The following ZNF787 variants were observed in gnomAD, a reference collection of about 807,000 sequenced individuals.
The protein encoded by ZNF787 is TTF-I-interacting peptide 20.
ZNF787 carries 7 observed loss-of-function variants against 16.9 expected under a neutral mutation model. That is an observed-to-expected ratio of 0.42 (90% CI 0.24 to 0.78). The LOEUF is 0.78. ZNF787 is among the 30% of genes least tolerant of loss of function. The pLI, the probability that ZNF787 is intolerant of heterozygous loss-of-function variation, is 0.30. For missense variants in ZNF787, 551 were observed against 589.3 expected (o/e 0.94, Z 0.67); for synonymous variants, 345 against 270.9 (o/e 1.27, Z -2.69).
intron 1 of ZNF787, among the ~76,000 whole-genome samples, chr19:56,108,044 C>T (rs1301211223): frequency 1.3e-5 from 2 of 152,032 alleles, no homozygotes; most frequent in East Asian, 1.9e-4. Context: ...GCCGGCAGGG[C>T]GAGACCCTCG....
In ZNF787 at chr19:56,088,707, G is replaced by A. The variant is rs1259262576; in HGVS notation, c.465C>T (p.Cys155=). ...TCTTGCTCTGAGTGAAGCTGCGGCC[G>A]CAGTCGGGGCAGGTGTAGGGCTTCT... ...TGEKPYTCPD[C]GRSFTQSKSL... is the part of the protein sequence containing the mutation. Residue 155 remains cysteine (C), a synonymous_variant, in exon 3 of 3, where the codon TGC becomes TGT. Coordinates refer to ENST00000610935, the MANE Select transcript of ZNF787 (RefSeq NM_001002836.4). The surrounding 1 kb of genome is among the most constrained non-coding windows in gnomAD (Gnocchi z 8.6). 2.5e-6 allele frequency: 4 copies of A among 1,604,306 alleles called. No homozygotes were observed. The highest frequency in any genetic ancestry group is 1.3e-5 in the African/African-American group (1 of 74,706).
intron 2 of ZNF787, chr19:56,101,666 T>C (rs1324886741): frequency 2.6e-5 from 4 of 151,990 alleles, no homozygotes; most frequent in African/African-American, 9.7e-5. Flanking sequence ...TCCTTACATG[T>C]TGGAGAATTT....
chr19:56,100,446 G>A (rs958863022), intron 2 of ZNF787, among the ~76,000 whole-genome samples: 7 of 152,082 alleles, frequency 4.6e-5, no homozygotes. Flanking sequence ...GGGCCTGGAC[G>A]CTAATTCCGC....
At chr19:56,108,799 C>A (rs1257009103) in intron 1 of ZNF787, among the ~76,000 whole-genome samples, 3 of 152,166 alleles carry the variant, frequency 2.0e-5, no homozygotes, top group Non-Finnish European at 4.4e-5. Context: ...GACCTCCCCT[C>A]GGACAGACCC....
At position 56,088,895 on chromosome 19, in the gene ZNF787, G is replaced by C; in HGVS notation, c.277C>G (p.Pro93Ala). 1 of 1,603,756 alleles carries C rather than the reference G, an allele frequency of 6.2e-7. No individual in the cohort carries two copies. Among genetic ancestry groups the C allele is most frequent in the Non-Finnish European group, 8.5e-7 (1 of 1,174,822 alleles). ...TTGCCGCAGTCGGCGCAGGCGTTGG[G>C]CCGCTCGCCGGTGTGCGTGCGCTGG... ...RHQRTHTGER[P>A]NACADCGKTF... Residue 93 changes from proline to alanine, a missense_variant, in exon 3 of 3, where the codon CCC becomes GCC. By Grantham distance (27) the Pro-to-Ala change is conservative. Coordinates refer to ENST00000610935, the MANE Select transcript of ZNF787 (RefSeq NM_001002836.4). The surrounding 1 kb of genome is among the most constrained non-coding windows in gnomAD (Gnocchi z 8.6).
intron 1 of ZNF787, among the ~76,000 whole-genome samples, chr19:56,106,051 G>A (rs1438888547): frequency 3.3e-5 from 4 of 119,548 alleles, no homozygotes; most frequent in Admixed American, 2.8e-4. Flanking sequence ...GGCAGTCACC[G>A]CGCATTCCGC....
intron 1 of ZNF787, among the ~76,000 whole-genome samples, chr19:56,107,983 C>T (rs936632430): frequency 6.6e-6 from 1 of 152,042 alleles, no homozygotes; most frequent in Non-Finnish European, 1.5e-5. Flanking sequence ...GCAGGGGACC[C>T]TTAGAGGTGG....
chr19:56,109,391 C>T (rs1004729924), intron 1 of ZNF787, among the ~76,000 whole-genome samples: 4 of 152,126 alleles, frequency 2.6e-5, no homozygotes, highest in Non-Finnish European at 4.4e-5. Context: ...ACGTGAAACA[C>T]GCCCTCCTCG....
intron 1 of ZNF787, among the ~76,000 whole-genome samples, chr19:56,109,619 C>T (rs189318466): frequency 2.0e-5 from 3 of 152,324 alleles, no homozygotes; most frequent in East Asian, 3.9e-4. Flanking sequence ...TGTGGCCGTG[C>T]GCAGCGGCTC....
chr19:56,109,403 AGAGG>A (rs1410322493), intron 1 of ZNF787, among the ~76,000 whole-genome samples: 5 of 152,156 alleles, frequency 3.3e-5, no homozygotes, highest in Non-Finnish European at 5.9e-5. Context: ...CCCTCCTCGT[AGAGG>A]AAGAGGACGT....
At position 56,097,931 on chromosome 19, in the gene ZNF787, G is replaced by T. The variant is rs376361414; in HGVS notation, c.79+5208C>A. Among the ~76,000 whole-genome samples, 5 of 152,176 alleles carry T rather than the reference G, an allele frequency of 3.3e-5. No individual in the cohort carries two copies. The East Asian group carries it at 9.7e-4, about 29-fold the overall frequency. On this transcript the variant is annotated intron_variant, in intron 2 of 2. Coordinates refer to ENST00000610935, the MANE Select transcript of ZNF787 (RefSeq NM_001002836.4). ...AAACCTTTGGAATTTCGGGAGGCTT[G>T]GGGGAGAAGAGGCATGGAGACTTTT... is the stretch of plus-strand genomic sequence containing the variant.
At chr19:56,115,320 T>C (rs2030099592) in intron 1 of ZNF787, among the ~76,000 whole-genome samples, 1 of 150,194 alleles carries the variant, frequency 6.7e-6, no homozygotes, top group Non-Finnish European at 1.5e-5. Flanking sequence ...CCTCTCCCTC[T>C]CTAGAGGCCG....
chr19:56,091,551 A>AC (rs747639243), intron 2 of ZNF787, among the ~76,000 whole-genome samples: 86 of 152,258 alleles, frequency 5.6e-4, no homozygotes, highest in Non-Finnish European at 1.3e-4. Flanking sequence ...ACCAGGGAGA[A>AC]CCCCAAAGAG....
At position 56,088,806 on chromosome 19, in the gene ZNF787, G is replaced by A. The variant is rs1265686674; in HGVS notation, c.366C>T (p.Tyr122=). Reference sequence around the variant, plus strand: ...AGCGCTTGCCGCACTCCAAGCAGGCGTAGGGCTTCTCGCCCGTGTGGATGC... The same window carrying A: ...AGCGCTTGCCGCACTCCAAGCAGGCATAGGGCTTCTCGCCCGTGTGGATGC... ...HRRIHTGEKP[Y]ACLECGKRFS... is the part of the protein sequence containing the mutation. Residue 122 remains tyrosine (Y), a synonymous_variant, in exon 3 of 3, where the codon TAC becomes TAT. Coordinates refer to ENST00000610935, the MANE Select transcript of ZNF787 (RefSeq NM_001002836.4). The surrounding 1 kb of genome is among the most constrained non-coding windows in gnomAD (Gnocchi z 8.6). 1.4e-5 allele frequency: 23 copies of A among 1,612,136 alleles called. No individual in the cohort carries two copies. The highest frequency in any genetic ancestry group is 2.0e-5 in the Non-Finnish European group (23 of 1,179,290).
rs80251894 is a variant in ZNF787, at chr19:56,114,920, C to T, written c.-11+6252G>A. Among the ~76,000 whole-genome samples, 18 of 152,294 alleles carry T rather than the reference C, an allele frequency of 1.2e-4. No individual in the cohort carries two copies. In the East Asian group the frequency reaches 3.3e-3, roughly 28 times the overall value. ...AAGCCCACAGCGCCACCCCTCCACT[C>T]CCCCACCAGCTCTTTCACTGCCCTT... On this transcript the variant is annotated intron_variant, in intron 1 of 2. Coordinates refer to ENST00000610935, the MANE Select transcript of ZNF787 (RefSeq NM_001002836.4).
At chr19:56,110,689 A>AC (rs1472565613) in intron 1 of ZNF787, among the ~76,000 whole-genome samples, 1 of 152,242 alleles carries the variant, frequency 6.6e-6, no homozygotes, top group East Asian at 1.9e-4. Flanking sequence ...AAAAGCAGGG[A>AC]CTTCCCAGCT....
At chr19:56,102,346 C>T (rs980158147) in intron 2 of ZNF787, 1 of 153,358 alleles carries the variant, frequency 6.5e-6, no homozygotes, top group African/African-American at 2.4e-5. Context: ...CCAGCGTGGG[C>T]CTGGGACCTG....
chr19:56,095,076 C>T (rs935722055), intron 2 of ZNF787, among the ~76,000 whole-genome samples: 4 of 152,272 alleles, frequency 2.6e-5, no homozygotes, highest in South Asian at 2.1e-4. Flanking sequence ...ATCGCACCAT[C>T]GCACTCCAGC....
At chr19:56,102,971 C>T (rs764627663) in intron 2 of ZNF787, 168 bp downstream of exon 2, 27 of 743,888 alleles carry the variant, frequency 3.6e-5, no homozygotes, top group Admixed American at 6.0e-5. Flanking sequence ...CCTCCCTCTA[C>T]AGCCAGGAGT....
Sources: gnomAD v4.1 joint callset for allele counts (sites outside exome capture counted in the v4.1 genomes callset) on GRCh38, gnomAD v4.1.1 for gene constraint, Gnocchi (gnomAD v3.1) non-coding constraint, MANE v1.5 for transcripts, NCBI Gene and HGNC (gene_info 2026-07-23, HGNC 2026-07-21) for gene names.